SPRR2B: variants seen among roughly 807,000 people sequenced by gnomAD.
The protein encoded by SPRR2B is small proline rich protein 2B.
Under a neutral mutation model 1.0 loss-of-function variants are expected in SPRR2B, and 1 was observed. The observed-to-expected ratio is 1.01, with a 90% CI of 0.36 to 4.77. The LOEUF is 4.77. Ranked by LOEUF, SPRR2B falls within the 30% of genes most tolerant of loss-of-function variation. The probability of loss-of-function intolerance (pLI) is 0.16; values close to 1 mark genes in which losing one functional copy is unlikely to be tolerated. For missense variants in SPRR2B, 53 were observed against 88.7 expected, an observed-to-expected ratio of 0.60 and a Z score of 1.62; for synonymous variants, 27 against 33.4, an observed-to-expected ratio of 0.81 and a Z score of 0.66.
At position 153,070,670 on chromosome 1, in the gene SPRR2B, A is replaced by G; in HGVS notation, c.170T>C (p.Val57Ala). The stretch of plus-strand genomic sequence containing the variant: ...TGGCTGGCAGGGTGGGGAAGGTGTC[A>G]CAGGAGGATATTTCTGCTGGCACTG... ...PQQCQQKYPP[V>A]TPSPPCQPKY... Residue 57 changes from valine to alanine, a missense_variant, in exon 2 of 2, where the codon GTG becomes GCG. By Grantham distance (64) the Val-to-Ala change is moderately conservative. Coordinates refer to ENST00000368755, the MANE Select transcript of SPRR2B (RefSeq NM_001388198.1). 1 of 1,612,028 alleles carries G rather than the reference A, an allele frequency of 6.2e-7. No individual in the cohort carries two copies.
chr1:153,072,831 C>A (rs1207404266), upstream of SPRR2B, among the ~76,000 whole-genome samples: 1 of 152,166 alleles, frequency 6.6e-6, no homozygotes, highest in Non-Finnish European at 1.5e-5. Flanking sequence ...ATGTCTTTCA[C>A]ATCTTTTTAA....
upstream of SPRR2B, among the ~76,000 whole-genome samples, chr1:153,075,210 G>A (rs1397443739): frequency 1.3e-5 from 2 of 152,048 alleles, no homozygotes; most frequent in Non-Finnish European, 2.9e-5. Flanking sequence ...AGGCGTGATT[G>A]CAGGGGCCTG....
Position 153,071,049 on chromosome 1 carries a change from C to T in SPRR2B, c.-19-191G>A, listed in dbSNP as rs868505928. On this transcript the variant is annotated intron_variant, in intron 1 of 1. Transcript: ENST00000368755. ...GTGGCTTCATCAGCCCTAGGAATTC[C>T]TGCCTTTCCTCATACAATTTTTCCA... is the stretch of plus-strand genomic sequence containing the variant. 4.1e-4 allele frequency among the ~76,000 whole-genome samples: 52 copies of T among 128,048 alleles called. 6 individuals are homozygous for T. Among genetic ancestry groups the T allele is most frequent in the African/African-American group, 1.3e-3 (48 of 38,144 alleles). The allele number at this position is 128,048 out of a possible 152,430, so 84.0% of individuals were successfully genotyped here.
chr1:153,070,514 C>A lies in SPRR2B; in HGVS notation c.*107G>T, dbSNP rs1216539941. ...ATCACAGGCTAAGGGGAAAGAAGCT[C>A]CCTATGAATCCATGATAAGCTTTGA... On this transcript the variant is annotated 3_prime_UTR_variant, in exon 2 of 2. Transcript: ENST00000368755. 1 of 1,531,050 alleles carries A rather than the reference C, an allele frequency of 6.5e-7. No individual in the cohort carries two copies. Among genetic ancestry groups the A allele is most frequent in the East Asian group, 2.3e-5 (1 of 44,218 alleles). 94.8% of individuals were successfully genotyped at this position (1,531,050 alleles called of 1,614,324 possible). A position where few individuals can be genotyped will look rare whatever the true frequency, so the allele number is the denominator to read the frequency against.
At chr1:153,083,723 C>T in the SPRR2B span, among the ~76,000 whole-genome samples, 1 of 152,208 alleles carries the variant, frequency 6.6e-6, no homozygotes, top group South Asian at 2.1e-4. Context: ...CCGCCATGGG[C>T]CTCTGGAATT....
chr1:153,080,905 T>C, the SPRR2B span, among the ~76,000 whole-genome samples: 1 of 152,204 alleles, frequency 6.6e-6, no homozygotes, highest in Non-Finnish European at 1.5e-5. Context: ...CTTCAATAAT[T>C]GAATCGATAA....
At chr1:153,074,058 A>G (rs1654728420), upstream of SPRR2B, among the ~76,000 whole-genome samples, 4 of 152,156 alleles carry the variant, frequency 2.6e-5, no homozygotes, top group Non-Finnish European at 4.4e-5. Flanking sequence ...CCATTACCAC[A>G]AGGCTCCTCT....
chr1:153,077,961 A>G, the SPRR2B span, among the ~76,000 whole-genome samples: 1 of 152,242 alleles, frequency 6.6e-6, no homozygotes, highest in African/African-American at 2.4e-5. Context: ...CACAAAAGAT[A>G]AAGGCAATAA....
the SPRR2B span, among the ~76,000 whole-genome samples, chr1:153,085,649 G>C: frequency 6.6e-6 from 1 of 152,186 alleles, no homozygotes; most frequent in Admixed American, 6.5e-5. Flanking sequence ...CCCAGCTAGA[G>C]AGGTAGACAT....
chr1:153,073,901 A>G (rs1339543499), upstream of SPRR2B, among the ~76,000 whole-genome samples: 2 of 152,206 alleles, frequency 1.3e-5, no homozygotes, highest in Non-Finnish European at 2.9e-5. Flanking sequence ...AAGAACAAAT[A>G]CTTTACTTTT....
At chr1:153,076,473 C>CA (rs1654768433), upstream of SPRR2B, among the ~76,000 whole-genome samples, 1 of 151,904 alleles carries the variant, frequency 6.6e-6, no homozygotes, top group African/African-American at 2.4e-5. Flanking sequence ...GGTCTTCCTC[C>CA]AAAAAAGTCA....
chr1:153,077,582 A>AG, the SPRR2B span, among the ~76,000 whole-genome samples: 6 of 151,416 alleles, frequency 4.0e-5, no homozygotes, highest in African/African-American at 9.7e-5. Context: ...CAAAAAAAAA[A>AG]GGATAGAGTT....
At chr1:153,083,908 G>T in the SPRR2B span, among the ~76,000 whole-genome samples, 1 of 152,170 alleles carries the variant, frequency 6.6e-6, no homozygotes, top group Admixed American at 6.5e-5. Flanking sequence ...CAACTTGCTC[G>T]CATAGGAGAC....
chr1:153,083,424 C>T, the SPRR2B span, among the ~76,000 whole-genome samples: 1 of 152,042 alleles, frequency 6.6e-6, no homozygotes, highest in African/African-American at 2.4e-5. Flanking sequence ...GCACAAAAGA[C>T]TCAAAAACAT....
chr1:153,084,077 C>CCACAT, the SPRR2B span, among the ~76,000 whole-genome samples: 1 of 152,122 alleles, frequency 6.6e-6, no homozygotes, highest in Admixed American at 6.5e-5. Context: ...ACTTTGGGAC[C>CCACAT]CACATTTTAG....
chr1:153,078,534 C>T, the SPRR2B span, among the ~76,000 whole-genome samples: 1 of 151,500 alleles, frequency 6.6e-6, no homozygotes, highest in Non-Finnish European at 1.5e-5. Flanking sequence ...CCACAACCGG[C>T]CCCAGTGTGT....
chr1:153,078,610 GGT>G, the SPRR2B span, among the ~76,000 whole-genome samples: 14 of 151,890 alleles, frequency 9.2e-5, no homozygotes, highest in Non-Finnish European at 1.8e-4. Flanking sequence ...GAGAACATGC[GGT>G]GTTTGGTTTT....
upstream of SPRR2B, among the ~76,000 whole-genome samples, chr1:153,071,799 CTT>C (rs1358214781): frequency 7.2e-5 from 11 of 152,160 alleles, no homozygotes; most frequent in African/African-American, 2.7e-4. Flanking sequence ...GTTTCAGTGA[CTT>C]ATGGCAAAGA....
chr1:153,086,530 C>A, the SPRR2B span, among the ~76,000 whole-genome samples: 2 of 152,160 alleles, frequency 1.3e-5, no homozygotes. Context: ...ATTTATCAAT[C>A]AAGTTCTTAG....
Sources: gnomAD v4.1 joint callset for allele counts (sites outside exome capture counted in the v4.1 genomes callset) on GRCh38, gnomAD v4.1.1 for gene constraint, MANE v1.5 for transcripts, NCBI Gene and HGNC (gene_info 2026-07-23, HGNC 2026-07-21) for gene names.